The following METTL15 variants were observed in gnomAD, a reference collection of about 807,000 sequenced individuals.
The protein encoded by METTL15 is 12S rRNA N(4)-cytidine methyltransferase METTL15.
METTL15 carries 34 observed loss-of-function variants against 38.3 expected under a neutral mutation model. The ratio of observed to expected loss-of-function variants is 0.89; its 90% CI spans 0.68 to 1.18. The LOEUF (loss-of-function observed/expected upper bound fraction) is 1.18, where lower values mean the gene tolerates loss of function less well. Ranked by LOEUF, METTL15 falls within the 50% of genes most tolerant of loss-of-function variation. METTL15 has a pLI of 0.00. For synonymous variants in METTL15, 162 were observed against 170.9 expected (o/e 0.95, Z 0.41); for missense variants, 438 against 498.4 (o/e 0.88, Z 1.15).
intron 6 of METTL15, among the ~76,000 whole-genome samples, chr11:28,508,528 T>C (rs930774987): frequency 2.6e-5 from 4 of 152,222 alleles, no homozygotes; most frequent in African/African-American, 9.6e-5. Context: ...TTGTGCCCCA[T>C]TGATAGTCTA....
At chr11:28,428,765 A>G (rs2133427295) in intron 6 of METTL15, among the ~76,000 whole-genome samples, 1 of 152,194 alleles carries the variant, frequency 6.6e-6, no homozygotes, top group Non-Finnish European at 1.5e-5. Context: ...CAAATTCCTG[A>G]GCTTAAGTAA....
In METTL15 at chr11:28,341,641, C is replaced by T. The variant is rs539715618; in HGVS notation, c.*190-10449C>T. 1.6e-4 allele frequency among the ~76,000 whole-genome samples: 25 copies of T among 152,200 alleles called. No individual in the cohort carries two copies. In the South Asian group the frequency reaches 4.4e-3, roughly 27 times the overall value. On this transcript the variant is annotated intron_variant and NMD_transcript_variant, in intron 3 of 7. Transcript: ENST00000532947. ...TATTAAACATGAATATTTATATATA[C>T]AAGAGTTAAATAGGGTATGCACAAA...
At chr11:28,525,154 C>T (rs1590404159) in intron 6 of METTL15, among the ~76,000 whole-genome samples, 2 of 152,260 alleles carry the variant, frequency 1.3e-5, no homozygotes, top group East Asian at 3.9e-4. Context: ...TGAGCAGCAG[C>T]AAGATTTATT....
intron 5 of METTL15, among the ~76,000 whole-genome samples, chr11:28,294,036 A>T (rs553499358): frequency 6.6e-6 from 1 of 152,268 alleles, no homozygotes; most frequent in East Asian, 1.9e-4. Context: ...TTCCTAATGA[A>T]TACCCTTTAT....
intron 6 of METTL15, among the ~76,000 whole-genome samples, chr11:28,315,157 G>A (rs907005974): frequency 2.0e-5 from 3 of 152,196 alleles, no homozygotes; most frequent in African/African-American, 7.2e-5. Context: ...AGTTTGGAGA[G>A]CTCAGAAGAA....
intron 5 of METTL15, among the ~76,000 whole-genome samples, chr11:28,417,986 T>C (rs980410969): frequency 1.3e-5 from 2 of 152,210 alleles, no homozygotes; most frequent in Admixed American, 1.3e-4. Context: ...TCATAAATTA[T>C]TCTAACAGGC....
chr11:28,462,840 T>G (rs1377954453), intron 6 of METTL15, among the ~76,000 whole-genome samples: 1 of 152,006 alleles, frequency 6.6e-6, no homozygotes, highest in African/African-American at 2.4e-5. Flanking sequence ...AAGTTATTGG[T>G]AAGGAAAATA....
intron 6 of METTL15, among the ~76,000 whole-genome samples, chr11:28,451,174 G>C (rs1402631539): frequency 6.6e-6 from 1 of 152,120 alleles, no homozygotes; most frequent in Non-Finnish European, 1.5e-5. Context: ...GGGAAGAGCG[G>C]AGAACCAAAA....
chr11:28,180,230 C>T (rs1851233497), intron 3 of METTL15, among the ~76,000 whole-genome samples: 1 of 151,772 alleles, frequency 6.6e-6, no homozygotes, highest in South Asian at 2.1e-4. Flanking sequence ...TCCTATGCAT[C>T]CTTTTCAAAT....
intron 3 of METTL15, among the ~76,000 whole-genome samples, chr11:28,338,762 A>C (rs2133352355): frequency 6.6e-6 from 1 of 152,278 alleles, no homozygotes; most frequent in Non-Finnish European, 1.5e-5. Flanking sequence ...CAAGGTGTTA[A>C]AATTGACTTC....
chr11:28,287,453 T>C lies in METTL15; in HGVS notation c.408-2753T>C, dbSNP rs189790695. On this transcript the variant is annotated intron_variant, in intron 4 of 6. Coordinates refer to ENST00000407364, the MANE Select transcript of METTL15 (RefSeq NM_001113528.2). Reference sequence around the variant, plus strand: ...CCTGTGAGGTTCACAACAATTTTCCTAGCAATGTGATCATCAGTGATTTCA... The same window carrying C: ...CCTGTGAGGTTCACAACAATTTTCCCAGCAATGTGATCATCAGTGATTTCA... 222 of 429,388 alleles carry C rather than the reference T, an allele frequency of 5.2e-4. 2 individuals carry two copies. The highest frequency in any genetic ancestry group is 3.3e-3 in the African/African-American group (158 of 47,708). The allele number at this position is 429,388 out of a possible 1,614,324, so 26.6% of individuals were successfully genotyped here.
chr11:28,338,883 G>T (rs913101633), intron 3 of METTL15, among the ~76,000 whole-genome samples: 1 of 152,064 alleles, frequency 6.6e-6, no homozygotes, highest in Non-Finnish European at 1.5e-5. Flanking sequence ...AGAAATCTAG[G>T]TGAAAGCATC....
In METTL15 at chr11:28,292,013, TAATC is replaced by T. The variant is rs1856536120; in HGVS notation, c.599+1619_599+1622del. On this transcript the variant is annotated intron_variant, in intron 5 of 6. Transcript: ENST00000407364. ...CAGGTAGATGGTATAGACTATAACTTAATCAAAAGATTTTTTTTTAGGAGAATAC... is the reference window on the plus strand; with the variant it reads ...CAGGTAGATGGTATAGACTATAACTTAAAAGATTTTTTTTTAGGAGAATAC... Among the ~76,000 whole-genome samples, 6 of 152,082 alleles carry T rather than the reference TAATC, an allele frequency of 3.9e-5. No homozygotes were observed. In the South Asian group the frequency reaches 1.2e-3, roughly 32 times the overall value.
In METTL15 at chr11:28,206,520, A is replaced by G. The variant is rs1360805506; in HGVS notation, c.271-4542A>G. ...GTTTTGGTTACTGTAGCCTTGTAGT[A>G]TAGTTTGAAGTCAGGTAGCGTGATG... On this transcript the variant is annotated intron_variant, in intron 3 of 6. Coordinates refer to ENST00000407364, the MANE Select transcript of METTL15 (RefSeq NM_001113528.2). 4.0e-5 allele frequency among the ~76,000 whole-genome samples: 6 copies of G among 151,806 alleles called. No homozygotes were observed. In the East Asian group the frequency reaches 1.2e-3, roughly 30 times the overall value.
chr11:28,378,316 G>A (rs942383057), intron 5 of METTL15, among the ~76,000 whole-genome samples: 7 of 152,236 alleles, frequency 4.6e-5, no homozygotes, highest in South Asian at 2.1e-4. Context: ...ATACTCCGTG[G>A]GGTAGGACCC....
At chr11:28,183,278 G>A (rs1191045035) in intron 3 of METTL15, among the ~76,000 whole-genome samples, 1 of 152,080 alleles carries the variant, frequency 6.6e-6, no homozygotes, top group Non-Finnish European at 1.5e-5. Flanking sequence ...ACCCTGGCCA[G>A]AACTTCCAAT....
chr11:28,523,517 C>T (rs11030363), intron 6 of METTL15, among the ~76,000 whole-genome samples: 17,621 of 152,194 alleles, frequency 0.12, 1,681 homozygotes, highest in East Asian at 0.53. Context: ...TGGACTATTA[C>T]ATGTGGAAAA....
intron 6 of METTL15, among the ~76,000 whole-genome samples, chr11:28,308,089 C>G (rs910117143): frequency 1.3e-4 from 20 of 151,934 alleles, no homozygotes; most frequent in Admixed American, 3.9e-4. Flanking sequence ...ATTATTTTCA[C>G]TTAGTACTTT....
intron 4 of METTL15, among the ~76,000 whole-genome samples, chr11:28,268,049 T>C (rs1396456293): frequency 1.3e-5 from 2 of 151,162 alleles, no homozygotes; most frequent in African/African-American, 4.9e-5. Context: ...TACAAAAAAT[T>C]AGCCGGGCAT....
Sources: allele counts gnomAD v4.1 joint callset (sites outside exome capture counted in the v4.1 genomes callset), GRCh38; gene constraint gnomAD v4.1.1; transcripts MANE v1.5; gene names NCBI Gene and HGNC (gene_info 2026-07-23, HGNC 2026-07-21).